Variants in SGCZ observed in about 807,000 individuals in gnomAD.
SGCZ encodes zeta-sarcoglycan.
In SGCZ, 40 loss-of-function variants were observed where a neutral mutation model predicts 41.3. The ratio of observed to expected loss-of-function variants is 0.97; its 90% CI spans 0.75 to 1.26. The LOEUF is 1.26. SGCZ is among the 50% of genes most tolerant of loss of function. The pLI is 0.00. For missense variants in SGCZ, 552 were observed against 369.8 expected (o/e 1.49, Z -4.04); for synonymous variants, 206 against 137.5 (o/e 1.50, Z -3.49).
chr8:14,620,455 A>G (rs759919493), intron 1 of SGCZ, among the ~76,000 whole-genome samples: 1 of 152,080 alleles, frequency 6.6e-6, no homozygotes, highest in African/African-American at 2.4e-5. Context: ...TAATTAAACT[A>G]AAGAGCTTCT....
chr8:14,414,054 G>C (rs976506682), intron 2 of SGCZ, among the ~76,000 whole-genome samples: 7 of 151,898 alleles, frequency 4.6e-5, no homozygotes, highest in Non-Finnish European at 8.8e-5. Context: ...TTTCACAACA[G>C]TTGAGATCCA....
At chr8:14,556,922 G>T (rs1323738176) in intron 1 of SGCZ, among the ~76,000 whole-genome samples, 2 of 151,806 alleles carry the variant, frequency 1.3e-5, no homozygotes, top group Non-Finnish European at 2.9e-5. Flanking sequence ...TTTGTATAAT[G>T]ACTTCTTTTA....
chr8:14,839,875 G>A (rs1173026168), intron 1 of SGCZ, among the ~76,000 whole-genome samples: 1 of 151,972 alleles, frequency 6.6e-6, no homozygotes, highest in Non-Finnish European at 1.5e-5. Context: ...GGATTGAAAA[G>A]GATCAATGTC....
At chr8:14,114,460 A>C (rs1187719563) in intron 5 of SGCZ, among the ~76,000 whole-genome samples, 1 of 152,024 alleles carries the variant, frequency 6.6e-6, no homozygotes, top group Non-Finnish European at 1.5e-5. Context: ...TTGTTCATTT[A>C]GGACTGAAAA....
At chr8:14,632,782 AC>A (rs1806701633) in intron 1 of SGCZ, among the ~76,000 whole-genome samples, 1 of 152,048 alleles carries the variant, frequency 6.6e-6, no homozygotes, top group Non-Finnish European at 1.5e-5. Context: ...GTCAAAGTAA[AC>A]GGGTCATCCT....
At chr8:14,286,462 AC>A (rs79543962) in intron 3 of SGCZ, among the ~76,000 whole-genome samples, 31,966 of 151,794 alleles carry the variant, frequency 0.21, 4,430 homozygotes, top group Non-Finnish European at 0.31. Context: ...TTCTCACAAA[AC>A]TCCAGCTGTT....
At chr8:14,531,997 C>G (rs1374448952) in intron 2 of SGCZ, among the ~76,000 whole-genome samples, 1 of 152,016 alleles carries the variant, frequency 6.6e-6, no homozygotes, top group Non-Finnish European at 1.5e-5. Flanking sequence ...TTTTGTCAAA[C>G]AAATGTAAAA....
At chr8:14,463,763 C>G (rs893379402) in intron 2 of SGCZ, among the ~76,000 whole-genome samples, 1 of 151,556 alleles carries the variant, frequency 6.6e-6, no homozygotes, top group Non-Finnish European at 1.5e-5. Context: ...TTTTTCTAGA[C>G]AGCTTTTATT....
intron 1 of SGCZ, among the ~76,000 whole-genome samples, chr8:15,100,131 G>C (rs1217379983): frequency 2.6e-5 from 4 of 152,086 alleles, no homozygotes; most frequent in Non-Finnish European, 5.9e-5. Flanking sequence ...GGAAATTAAA[G>C]ATATACAGAC....
At chr8:14,198,578 C>A (rs919428268) in intron 4 of SGCZ, among the ~76,000 whole-genome samples, 2 of 140,932 alleles carry the variant, frequency 1.4e-5, no homozygotes, top group African/African-American at 5.5e-5. Flanking sequence ...CACATGTACA[C>A]CAGAATCTAA....
intron 1 of SGCZ, among the ~76,000 whole-genome samples, chr8:14,652,661 T>C (rs1300432606): frequency 1.3e-5 from 2 of 152,088 alleles, no homozygotes; most frequent in Admixed American, 6.6e-5. Flanking sequence ...ATTTTGTCTT[T>C]GTTGCAAATT....
At chr8:15,079,130 T>C (rs1318801751) in intron 1 of SGCZ, among the ~76,000 whole-genome samples, 2 of 152,216 alleles carry the variant, frequency 1.3e-5, no homozygotes, top group Admixed American at 6.5e-5. Flanking sequence ...TCAGGCTTTA[T>C]GACTTTTACA....
intron 1 of SGCZ, among the ~76,000 whole-genome samples, chr8:15,036,947 T>C (rs1268511829): frequency 6.6e-6 from 1 of 151,988 alleles, no homozygotes; most frequent in Non-Finnish European, 1.5e-5. Flanking sequence ...TATACGAAAA[T>C]CTTTAAATAT....
At chr8:15,140,192 T>A (rs1035028908) in intron 1 of SGCZ, among the ~76,000 whole-genome samples, 33 of 152,026 alleles carry the variant, frequency 2.2e-4, no homozygotes, top group African/African-American at 8.0e-4. Flanking sequence ...GGTTGGCTAA[T>A]TTTTTACTTT....
chr8:14,351,169 G>T (rs372758755), intron 2 of SGCZ, among the ~76,000 whole-genome samples: 1 of 152,034 alleles, frequency 6.6e-6, no homozygotes, highest in African/African-American at 2.4e-5. Context: ...AAAGTACTGC[G>T]TCTGTAAAAG....
intron 3 of SGCZ, among the ~76,000 whole-genome samples, chr8:14,301,820 ATT>A (rs1294519162): frequency 6.6e-6 from 1 of 152,114 alleles, no homozygotes; most frequent in African/African-American, 2.4e-5. Context: ...ACTTTATAGT[ATT>A]TTGTTATTCA....
intron 2 of SGCZ, among the ~76,000 whole-genome samples, chr8:14,478,363 CCAAT>C (rs1406331563): frequency 6.6e-6 from 1 of 152,136 alleles, no homozygotes; most frequent in East Asian, 1.9e-4. Context: ...AAACAAATGA[CCAAT>C]CAAGACATAA....
chr8:14,880,013 G>T (rs897758065), intron 1 of SGCZ, among the ~76,000 whole-genome samples: 1 of 151,958 alleles, frequency 6.6e-6, no homozygotes, highest in Non-Finnish European at 1.5e-5. Context: ...GCTAAGTTTT[G>T]TATTTTTAGT....
intron 1 of SGCZ, among the ~76,000 whole-genome samples, chr8:14,988,513 G>C (rs1262587395): frequency 6.6e-6 from 1 of 151,868 alleles, no homozygotes; most frequent in Non-Finnish European, 1.5e-5. Context: ...TATGGATTGA[G>C]AATAGTGTTT....
Sources: allele counts gnomAD v4.1 joint callset (sites outside exome capture counted in the v4.1 genomes callset), GRCh38; gene constraint gnomAD v4.1.1; transcripts MANE v1.5; gene names NCBI Gene and HGNC (gene_info 2026-07-23, HGNC 2026-07-21).